Variants in SEMA3D observed in about 807,000 individuals in gnomAD.
SEMA3D encodes semaphorin 3D.
Under a neutral mutation model 100.1 loss-of-function variants are expected in SEMA3D, and 84 were observed. The observed-to-expected ratio is 0.84, with a 90% CI of 0.70 to 1.01. SEMA3D has a LOEUF of 1.01. Ranked by LOEUF, SEMA3D falls within the 50% of genes least tolerant of loss-of-function variation. The pLI, the probability that SEMA3D is intolerant of heterozygous loss-of-function variation, is 0.00. For synonymous variants in SEMA3D, 312 were observed against 320.7 expected (o/e 0.97, Z 0.29); for missense variants, 875 against 934.1 (o/e 0.94, Z 0.82).
intron 18 of SEMA3D, among the ~76,000 whole-genome samples, chr7:85,000,873 A>C (rs2115705735): frequency 6.6e-6 from 1 of 152,290 alleles, no homozygotes; most frequent in East Asian, 1.9e-4. Context: ...GTTCAGCATT[A>C]AGTGGAATAA....
At chr7:85,154,792 C>T (rs1362800790) in intron 1 of SEMA3D, among the ~76,000 whole-genome samples, 1 of 152,052 alleles carries the variant, frequency 6.6e-6, no homozygotes, top group South Asian at 2.1e-4. Flanking sequence ...AAATAATAGA[C>T]AACCATAAAA....
At chr7:85,248,920 T>C in the SEMA3D span, among the ~76,000 whole-genome samples, 4 of 152,170 alleles carry the variant, frequency 2.6e-5, no homozygotes, top group Non-Finnish European at 5.9e-5. Flanking sequence ...CATTACACAT[T>C]TGTCAAAACC....
intron 2 of SEMA3D, among the ~76,000 whole-genome samples, chr7:85,132,061 A>G (rs1789738697): frequency 6.6e-6 from 1 of 151,918 alleles, no homozygotes; most frequent in South Asian, 2.1e-4. Context: ...AAAAAGAATC[A>G]TGTTTAAAAA....
At chr7:85,050,530 T>G (rs1791134969) in intron 9 of SEMA3D, 1 of 351,234 alleles carries the variant, frequency 2.8e-6, no homozygotes, top group Non-Finnish European at 5.2e-6. Flanking sequence ...TTAAAAGATA[T>G]TCTGTGGATG....
chr7:85,018,912 A>C (rs550048794), intron 14 of SEMA3D, among the ~76,000 whole-genome samples: 28 of 151,800 alleles, frequency 1.8e-4, no homozygotes, highest in South Asian at 6.2e-4. Context: ...GGCTTAAAAA[A>C]TTTTCCATCT....
At chr7:85,130,173 G>A (rs1164248623) in intron 2 of SEMA3D, among the ~76,000 whole-genome samples, 1 of 152,058 alleles carries the variant, frequency 6.6e-6, no homozygotes, top group Non-Finnish European at 1.5e-5. Flanking sequence ...TGGAATTTAG[G>A]AACCAAGTCT....
chr7:85,164,079 T>A (rs967104118), intron 1 of SEMA3D, among the ~76,000 whole-genome samples: 7 of 152,100 alleles, frequency 4.6e-5, no homozygotes, highest in African/African-American at 1.7e-4. Context: ...TAGTTTGCAA[T>A]AAAGTTGATG....
chr7:85,242,301 T>G, the SEMA3D span, among the ~76,000 whole-genome samples: 7 of 152,200 alleles, frequency 4.6e-5, no homozygotes. Context: ...AATATAATTA[T>G]TCAGTGCTAT....
chr7:85,068,650 T>A (rs189672910), intron 6 of SEMA3D, among the ~76,000 whole-genome samples: 25 of 152,308 alleles, frequency 1.6e-4, no homozygotes, highest in African/African-American at 5.5e-4. Flanking sequence ...CAACTTCATC[T>A]TTTAAGAAAT....
Position 84,997,262 on chromosome 7 carries a change from T to G in SEMA3D, c.*2178A>C, listed in dbSNP as rs1250047039. The stretch of plus-strand genomic sequence containing the variant: ...TGAGCTTCATGTAAATTTTCCAAAG[T>G]CATTCATATTTTGATCATTACTGTC... On this transcript the variant is annotated 3_prime_UTR_variant, in exon 19 of 19. Coordinates refer to ENST00000284136, the MANE Select transcript of SEMA3D (RefSeq NM_001384900.1). 2 of 152,038 alleles carry G rather than the reference T, an allele frequency of 1.3e-5. No homozygotes were observed. Among genetic ancestry groups the G allele is most frequent in the Non-Finnish European group, 2.9e-5 (2 of 67,922 alleles). The allele number at this position is 152,038 out of a possible 1,614,324, so 9.4% of individuals were successfully genotyped here. A position where few individuals can be genotyped will look rare whatever the true frequency, so the allele number is the denominator to read the frequency against.
At chr7:85,134,129 C>A (rs1789796666) in intron 2 of SEMA3D, among the ~76,000 whole-genome samples, 2 of 151,900 alleles carry the variant, frequency 1.3e-5, no homozygotes, top group South Asian at 4.2e-4. Context: ...ATTCATTGAG[C>A]CTCTATGCAC....
chr7:85,243,639 C>A, the SEMA3D span, among the ~76,000 whole-genome samples: 5 of 152,226 alleles, frequency 3.3e-5, no homozygotes, highest in East Asian at 5.8e-4. Context: ...TTCTAAGCCC[C>A]TTATCTGCTG....
chr7:85,177,193 G>T (rs905781513), intron 1 of SEMA3D, among the ~76,000 whole-genome samples: 4 of 152,216 alleles, frequency 2.6e-5, no homozygotes, highest in African/African-American at 7.2e-5. Context: ...TCTGTGTATA[G>T]ATATGCATAT....
intron 2 of SEMA3D, among the ~76,000 whole-genome samples, chr7:85,136,737 T>G (rs1789877564): frequency 6.6e-6 from 1 of 152,128 alleles, no homozygotes; most frequent in African/African-American, 2.4e-5. Flanking sequence ...TTACAGATTT[T>G]TATTATCATT....
At chr7:85,052,913 G>A (rs909955550) in intron 9 of SEMA3D, among the ~76,000 whole-genome samples, 12 of 151,858 alleles carry the variant, frequency 7.9e-5, no homozygotes, top group African/African-American at 2.4e-4. Context: ...TTTATATAAT[G>A]TTTCTCTATT....
intron 8 of SEMA3D, among the ~76,000 whole-genome samples, chr7:85,056,464 C>T (rs765845896): frequency 6.6e-5 from 10 of 151,710 alleles, no homozygotes; most frequent in South Asian, 2.1e-4. Context: ...AGACTACCAA[C>T]GTCATCTACC....
At chr7:85,209,893 T>A in the SEMA3D span, among the ~76,000 whole-genome samples, 1 of 152,122 alleles carries the variant, frequency 6.6e-6, no homozygotes, top group Non-Finnish European at 1.5e-5. Context: ...TGTCAGTCTT[T>A]GTCTTGGTTA....
the SEMA3D span, among the ~76,000 whole-genome samples, chr7:85,205,494 A>G: frequency 1.3e-5 from 2 of 151,774 alleles, no homozygotes; most frequent in African/African-American, 2.4e-5. Context: ...TTTACTTTCT[A>G]TTTTTCCTTC....
At chr7:85,124,178 A>G (rs993977629) in intron 2 of SEMA3D, among the ~76,000 whole-genome samples, 1 of 152,102 alleles carries the variant, frequency 6.6e-6, no homozygotes, top group Non-Finnish European at 1.5e-5. Context: ...ATTTGAATAT[A>G]TGAGTTTTGA....
Sources: allele counts gnomAD v4.1 joint callset (sites outside exome capture counted in the v4.1 genomes callset), GRCh38; gene constraint gnomAD v4.1.1; transcripts MANE v1.5; gene names NCBI Gene and HGNC (gene_info 2026-07-23, HGNC 2026-07-21).